The following PRTFDC1 variants were observed in gnomAD, a reference collection of about 807,000 sequenced individuals.
The protein encoded by PRTFDC1 is phosphoribosyltransferase domain-containing protein 1.
PRTFDC1 carries 38 observed loss-of-function variants against 34.6 expected under a neutral mutation model. The ratio of observed to expected loss-of-function variants is 1.10; its 90% CI spans 0.85 to 1.44. PRTFDC1 has a LOEUF of 1.44. Among genes scored for constraint, PRTFDC1 ranks in the 40% most tolerant of loss-of-function variants. The probability of loss-of-function intolerance (pLI) is 0.00; values close to 1 mark genes in which losing one functional copy is unlikely to be tolerated. For synonymous variants in PRTFDC1, 93 were observed against 98.1 expected (o/e 0.95, Z 0.31); for missense variants, 270 against 283.0 (o/e 0.95, Z 0.33).
intron 3 of PRTFDC1, among the ~76,000 whole-genome samples, chr10:24,901,930 A>C (rs1848456233): frequency 6.6e-6 from 1 of 152,196 alleles, no homozygotes; most frequent in Non-Finnish European, 1.5e-5. Context: ...GGTGACTGCC[A>C]CAGGTATCCA....
At chr10:24,919,612 C>T (rs144874957) in intron 3 of PRTFDC1, among the ~76,000 whole-genome samples, 3,200 of 152,232 alleles carry the variant, frequency 0.021, 125 homozygotes, top group African/African-American at 0.074. Flanking sequence ...GCAATTGCAA[C>T]AAAAGCACAA....
In PRTFDC1 at chr10:24,909,996, CAAA is replaced by C. The variant is rs35102911; in HGVS notation, c.339+27185_339+27187del. The stretch of plus-strand genomic sequence containing the variant: ...GGAAACCCTGTCTCTATTAAAAATA[CAAA>C]AAAAAAAAAAAAATAGCCAGGCATG... On this transcript the variant is annotated intron_variant, in intron 3 of 8. Coordinates refer to ENST00000320152, the MANE Select transcript of PRTFDC1 (RefSeq NM_020200.7). 7.7e-3 allele frequency among the ~76,000 whole-genome samples: 1,043 copies of C among 135,018 alleles called. 3 individuals are homozygous for C. The highest frequency in any genetic ancestry group is 0.011 in the African/African-American group (397 of 37,612). 88.6% of individuals were successfully genotyped at this position (135,018 alleles called of 152,430 possible).
intron 7 of PRTFDC1, among the ~76,000 whole-genome samples, chr10:24,854,959 C>T (rs1847547130): frequency 6.6e-6 from 1 of 152,148 alleles, no homozygotes; most frequent in South Asian, 2.1e-4. Context: ...GGCGGGGATC[C>T]TATGTGTCTG....
At chr10:24,880,313 C>T (rs545939607) in intron 3 of PRTFDC1, among the ~76,000 whole-genome samples, 18 of 149,838 alleles carry the variant, frequency 1.2e-4, no homozygotes, top group Non-Finnish European at 2.1e-4. Flanking sequence ...AGTGCAGTAG[C>T]GTGAACTCAG....
chr10:24,938,083 G>A (rs186609700), intron 2 of PRTFDC1, among the ~76,000 whole-genome samples: 2,077 of 151,586 alleles, frequency 0.014, 45 homozygotes, highest in African/African-American at 0.046. Flanking sequence ...AAAATTAGCC[G>A]GGCATGGTGG....
At chr10:24,928,486 C>T (rs993144469) in intron 3 of PRTFDC1, among the ~76,000 whole-genome samples, 4 of 152,112 alleles carry the variant, frequency 2.6e-5, no homozygotes, top group Non-Finnish European at 1.5e-5. Context: ...CTCTGTTGCC[C>T]AGGCCGGAGT....
At chr10:24,944,321 C>T (rs1405297468) in intron 1 of PRTFDC1, among the ~76,000 whole-genome samples, 3 of 152,166 alleles carry the variant, frequency 2.0e-5, no homozygotes, top group African/African-American at 4.8e-5. Context: ...TCAACTCCCT[C>T]GAAATTTATC....
intron 4 of PRTFDC1, among the ~76,000 whole-genome samples, chr10:24,860,523 TCAAA>T (rs1339712344): frequency 6.6e-6 from 1 of 152,242 alleles, no homozygotes; most frequent in African/African-American, 2.4e-5. Flanking sequence ...GCACCGTATA[TCAAA>T]CACATTCTTA....
intron 3 of PRTFDC1, among the ~76,000 whole-genome samples, chr10:24,876,713 A>G (rs1224310381): frequency 6.6e-6 from 1 of 151,790 alleles, no homozygotes; most frequent in Non-Finnish European, 1.5e-5. Flanking sequence ...ATTTATTATT[A>G]TTTATTTTAC....
At chr10:24,947,719 T>C (rs1193764810) in intron 1 of PRTFDC1, among the ~76,000 whole-genome samples, 3 of 152,124 alleles carry the variant, frequency 2.0e-5, no homozygotes, top group African/African-American at 7.2e-5. Context: ...TCCTCTCCCC[T>C]GCTGAGCTCC....
At chr10:24,929,260 T>C (rs1323526850) in intron 3 of PRTFDC1, among the ~76,000 whole-genome samples, 3 of 152,086 alleles carry the variant, frequency 2.0e-5, no homozygotes, top group Non-Finnish European at 4.4e-5. Flanking sequence ...TTCTGAACTG[T>C]GGGAATGAGA....
At chr10:24,889,897 G>C (rs938074312) in intron 3 of PRTFDC1, among the ~76,000 whole-genome samples, 1 of 152,204 alleles carries the variant, frequency 6.6e-6, no homozygotes, top group Non-Finnish European at 1.5e-5. Flanking sequence ...GGCTTGGAAA[G>C]CTGGAGGCTA....
chr10:24,887,329 T>C (rs1848186277), intron 3 of PRTFDC1, among the ~76,000 whole-genome samples: 1 of 152,194 alleles, frequency 6.6e-6, no homozygotes, highest in African/African-American at 2.4e-5. Flanking sequence ...TCTTAAACTG[T>C]AGTTCTCATA....
At chr10:24,854,333 G>C (rs1226656664) in intron 7 of PRTFDC1, among the ~76,000 whole-genome samples, 1 of 152,114 alleles carries the variant, frequency 6.6e-6, no homozygotes, top group Non-Finnish European at 1.5e-5. Flanking sequence ...ACATGCGATT[G>C]GGTCTCTCTG....
intron 3 of PRTFDC1, among the ~76,000 whole-genome samples, chr10:24,928,721 G>GCCACC (rs1848920382): frequency 5.3e-5 from 8 of 151,994 alleles, no homozygotes; most frequent in African/African-American, 1.9e-4. Context: ...TGGGATTACA[G>GCCACC]GTGTGAGCCA....
chr10:24,902,994 C>T (rs939928055), intron 3 of PRTFDC1, among the ~76,000 whole-genome samples: 7 of 152,036 alleles, frequency 4.6e-5, no homozygotes, highest in Admixed American at 1.3e-4. Context: ...GTCACGAGTT[C>T]GAGACTAGCC....
At chr10:24,866,448 C>T (rs1298532755) in intron 4 of PRTFDC1, among the ~76,000 whole-genome samples, 1 of 151,244 alleles carries the variant, frequency 6.6e-6, no homozygotes, top group African/African-American at 2.4e-5. Context: ...TTAACCTGCA[C>T]ATCTGTGTTT....
intron 3 of PRTFDC1, among the ~76,000 whole-genome samples, chr10:24,872,812 T>A (rs1171966179): frequency 0.035 from 4,358 of 125,840 alleles, 296 homozygotes; most frequent in African/African-American, 0.14. Flanking sequence ...ATATATTTTT[T>A]TTTTTTTTTT....
At chr10:24,866,564 T>G (rs1847781935) in intron 4 of PRTFDC1, among the ~76,000 whole-genome samples, 1 of 152,070 alleles carries the variant, frequency 6.6e-6, no homozygotes, top group Non-Finnish European at 1.5e-5. Flanking sequence ...GATACACACA[T>G]TTTATGAAGT....
Sources: gnomAD v4.1 joint callset for allele counts (sites outside exome capture counted in the v4.1 genomes callset) on GRCh38, gnomAD v4.1.1 for gene constraint, MANE v1.5 for transcripts, NCBI Gene and HGNC (gene_info 2026-07-23, HGNC 2026-07-21) for gene names.